The following TRPC3 variants were observed in gnomAD, a reference collection of about 807,000 sequenced individuals.
The protein encoded by TRPC3 is transient receptor potential cation channel subfamily C member 3.
Under a neutral mutation model 90.9 loss-of-function variants are expected in TRPC3, and 54 were observed. The ratio of observed to expected loss-of-function variants is 0.59; its 90% CI spans 0.48 to 0.75. The LOEUF is 0.75. Ranked by LOEUF, TRPC3 falls within the 30% of genes least tolerant of loss-of-function variation. The pLI, the probability that TRPC3 is intolerant of heterozygous loss-of-function variation, is 0.00. For missense variants in TRPC3, 918 were observed against 1,194.5 expected (o/e 0.77, Z 3.41); for synonymous variants, 424 against 450.9 (o/e 0.94, Z 0.75).
At chr4:121,880,532 G>C (rs1190601908) in intron 11 of TRPC3, among the ~76,000 whole-genome samples, 1 of 152,112 alleles carries the variant, frequency 6.6e-6, no homozygotes, top group Non-Finnish European at 1.5e-5. Flanking sequence ...GAGAATAGGA[G>C]AGTTTGGGCT....
At chr4:121,885,541 G>A (rs1728086551) in intron 10 of TRPC3, among the ~76,000 whole-genome samples, 1 of 152,096 alleles carries the variant, frequency 6.6e-6, no homozygotes, top group Admixed American at 6.6e-5. Context: ...TCTTGTAAAA[G>A]AGACAATACA....
chr4:121,913,738 T>C (rs1178820608), intron 4 of TRPC3, among the ~76,000 whole-genome samples: 1 of 152,202 alleles, frequency 6.6e-6, no homozygotes, highest in Non-Finnish European at 1.5e-5. Flanking sequence ...TTTTCCATGA[T>C]ACATAACAAA....
chr4:121,951,719 C>G lies in TRPC3; in HGVS notation c.-39G>C. The G allele has an allele frequency of 7.8e-7, 1 of 1,285,630 alleles. No homozygotes were observed. The allele number at this position is 1,285,630 out of a possible 1,614,324, so 79.6% of individuals were successfully genotyped here. Reference sequence around the variant, plus strand: ...GTCCGAGTGTGGGGGTGCCGGCTGCCGGCCTCCTCCGCCTTCGCGGCAGTG... The same window carrying G: ...GTCCGAGTGTGGGGGTGCCGGCTGCGGGCCTCCTCCGCCTTCGCGGCAGTG... On this transcript the variant is annotated 5_prime_UTR_variant, in exon 1 of 12. Transcript: ENST00000379645. This position sits in a 1 kb window ranked among gnomAD's most constrained non-coding sequence, Gnocchi z 4.4.
At position 121,930,726 on chromosome 4, in the gene TRPC3, A is replaced by C. The variant is rs760902827; in HGVS notation, c.987+1545T>G. ...ATAAATATGTTTAGAATTATGTTTT[A>C]ATTACTGTTTCAAAACAACAAAGTG... On this transcript the variant is annotated intron_variant, in intron 2 of 11. Coordinates refer to ENST00000379645, the MANE Select transcript of TRPC3 (RefSeq NM_001130698.2). 45 of 330,020 alleles carry C rather than the reference A, an allele frequency of 1.4e-4. 1 individual carries two copies. Among genetic ancestry groups the C allele is most frequent in the South Asian group, 1.0e-3 (43 of 41,956 alleles). 20.4% of individuals were successfully genotyped at this position (330,020 alleles called of 1,614,324 possible).
intron 1 of TRPC3, among the ~76,000 whole-genome samples, chr4:121,948,364 GTTT>G (rs79971079): frequency 2.8e-5 from 2 of 70,676 alleles, no homozygotes; most frequent in African/African-American, 4.2e-5. Context: ...ATTCTAGCTG[GTTT>G]TTTTTTTTTT....
At chr4:121,946,781 T>C (rs939644640) in intron 1 of TRPC3, among the ~76,000 whole-genome samples, 3 of 152,206 alleles carry the variant, frequency 2.0e-5, no homozygotes, top group African/African-American at 7.2e-5. Flanking sequence ...TTTAAAACTA[T>C]TTGATATTAC....
chr4:121,907,714 G>T, intron 6 of TRPC3, 147 bp from the exon 7 acceptor site: 1 of 857,164 alleles, frequency 1.2e-6, no homozygotes, highest in Non-Finnish European at 1.8e-6. Context: ...ACTGTCCAGG[G>T]ACTATTTTCA....
intron 10 of TRPC3, among the ~76,000 whole-genome samples, chr4:121,888,102 C>G (rs1728193857): frequency 6.6e-6 from 1 of 152,098 alleles, no homozygotes; most frequent in South Asian, 2.1e-4. Context: ...TCAAACTGCC[C>G]TCCCACATCA....
chr4:121,939,211 A>C (rs1269118021), intron 1 of TRPC3, among the ~76,000 whole-genome samples: 1 of 152,162 alleles, frequency 6.6e-6, no homozygotes, highest in African/African-American at 2.4e-5. Context: ...GGAGTTCGAG[A>C]AGATACATTT....
At chr4:121,896,771 T>C (rs934598564) in intron 10 of TRPC3, among the ~76,000 whole-genome samples, 1 of 152,114 alleles carries the variant, frequency 6.6e-6, no homozygotes, top group African/African-American at 2.4e-5. Flanking sequence ...AATGACATTA[T>C]TCACAGAAAT....
At chr4:121,945,552 T>C (rs115454167) in intron 1 of TRPC3, among the ~76,000 whole-genome samples, 306 of 152,238 alleles carry the variant, frequency 2.0e-3, no homozygotes, top group African/African-American at 7.1e-3. Flanking sequence ...AGCTCAATGC[T>C]AGAGAACGCC....
intron 10 of TRPC3, among the ~76,000 whole-genome samples, chr4:121,886,260 T>C (rs1728112210): frequency 6.6e-6 from 1 of 152,196 alleles, no homozygotes; most frequent in Admixed American, 6.6e-5. Flanking sequence ...ATTCATTCTC[T>C]CACTTAATTC....
chr4:121,908,698 A>G (rs946826658), intron 6 of TRPC3, among the ~76,000 whole-genome samples: 2 of 152,132 alleles, frequency 1.3e-5, no homozygotes, highest in Non-Finnish European at 2.9e-5. Flanking sequence ...GGACATAAAC[A>G]TAGCAACAAT....
At chr4:121,882,715 C>T (rs1727985536) in intron 10 of TRPC3, among the ~76,000 whole-genome samples, 1 of 152,046 alleles carries the variant, frequency 6.6e-6, no homozygotes, top group African/African-American at 2.4e-5. Context: ...CCTCTTTCAA[C>T]TAATAGTTTC....
chr4:121,882,139 T>A (rs1262412061), intron 11 of TRPC3, among the ~76,000 whole-genome samples: 1 of 152,180 alleles, frequency 6.6e-6, no homozygotes, highest in Non-Finnish European at 1.5e-5. Flanking sequence ...GTTAGGGCAC[T>A]ATGAGTAGAG....
At chr4:121,925,481 T>C (rs1029763029) in intron 2 of TRPC3, among the ~76,000 whole-genome samples, 3 of 151,946 alleles carry the variant, frequency 2.0e-5, no homozygotes, top group East Asian at 1.9e-4. Flanking sequence ...AAAAAAGTCA[T>C]ACTCAGAGAA....
chr4:121,903,758 T>C (rs1241927811), intron 8 of TRPC3, among the ~76,000 whole-genome samples: 1 of 152,148 alleles, frequency 6.6e-6, no homozygotes, highest in African/African-American at 2.4e-5. Flanking sequence ...GAACACTATA[T>C]TATGAGTTTC....
chr4:121,887,537 A>T (rs1728167284), intron 10 of TRPC3, among the ~76,000 whole-genome samples: 3 of 152,114 alleles, frequency 2.0e-5, no homozygotes, highest in Admixed American at 6.6e-5. Flanking sequence ...TTCCAGTAAA[A>T]CCAAGCCATC....
intron 4 of TRPC3, among the ~76,000 whole-genome samples, chr4:121,914,469 A>T (rs1729228488): frequency 6.6e-6 from 1 of 152,212 alleles, no homozygotes; most frequent in Non-Finnish European, 1.5e-5. Flanking sequence ...TCTACTTATT[A>T]AGCCGTCAAT....
Sources: gnomAD v4.1 joint callset for allele counts (sites outside exome capture counted in the v4.1 genomes callset) on GRCh38, gnomAD v4.1.1 for gene constraint, Gnocchi (gnomAD v3.1) non-coding constraint, MANE v1.5 for transcripts, NCBI Gene and HGNC (gene_info 2026-07-23, HGNC 2026-07-21) for gene names.